Variants in MKRN1 observed in about 807,000 individuals in gnomAD.
MKRN1 encodes the protein E3 ubiquitin-protein ligase makorin-1.
MKRN1 carries 9 observed loss-of-function variants against 55.5 expected under a neutral mutation model. The observed-to-expected ratio is 0.16, with a 90% CI of 0.10 to 0.28. MKRN1 has a LOEUF of 0.28. MKRN1 is among the 10% of genes least tolerant of loss of function. The pLI, the probability that MKRN1 is intolerant of heterozygous loss-of-function variation, is 1.00. For synonymous variants in MKRN1, 253 were observed against 235.9 expected (o/e 1.07, Z -0.66); for missense variants, 488 against 626.7 (o/e 0.78, Z 2.36).
chr7:140,455,423 C>CA (rs1794439745), intron 6 of MKRN1, 190 bp from the exon 7 acceptor site: 1 of 667,936 alleles, frequency 1.5e-6, no homozygotes, highest in Admixed American at 2.9e-5. Context: ...TAACTCTGTT[C>CA]AAGTCTATGC....
At chr7:140,472,167 C>A in intron 1 of MKRN1, 156 bp from the exon 2 acceptor site, 1 of 1,053,368 alleles carries the variant, frequency 9.5e-7, no homozygotes, top group Non-Finnish European at 1.3e-6. Context: ...TGCCTGTAAT[C>A]CCAGTACCTT....
At chr7:140,472,214 G>C in intron 1 of MKRN1, 1 of 610,208 alleles carries the variant, frequency 1.6e-6, no homozygotes, top group Non-Finnish European at 2.7e-6. Flanking sequence ...TGAGGTCAGG[G>C]GTCTAAGACC....
intron 2 of MKRN1, among the ~76,000 whole-genome samples, chr7:140,464,144 T>A (rs1166300303): frequency 6.6e-6 from 1 of 151,798 alleles, no homozygotes; most frequent in Non-Finnish European, 1.5e-5. Flanking sequence ...GTCTTTGAAC[T>A]CCTAACCTCA....
Position 140,479,316 on chromosome 7 carries a change from G to C in MKRN1, c.29C>G (p.Thr10Arg). The C allele has an allele frequency of 7.6e-7, 1 of 1,318,538 alleles. No individual in the cohort carries two copies. The allele number at this position is 1,318,538 out of a possible 1,614,324, so 81.7% of individuals were successfully genotyped here. Reference sequence around the variant, plus strand: ...CGCTCCTGCTCCTGATGTTGTGGCTGTTGTTCCGGGAGTTGCAGCCTCCGC... The same window carrying C: ...CGCTCCTGCTCCTGATGTTGTGGCTCTTGTTCCGGGAGTTGCAGCCTCCGC... Reference protein sequence around the residue: MAEAATPGTTATTSGAGAAA... With the variant: MAEAATPGTRATTSGAGAAA... Residue 10 changes from threonine to arginine, a missense_variant, in exon 1 of 8, where the codon ACA becomes AGA. Thr to Arg is a moderately conservative substitution (Grantham distance 71). Transcript: ENST00000255977.
At chr7:140,457,032 TG>T (rs1794484678) in intron 4 of MKRN1, 166 bp from the exon 5 acceptor site, 1 of 674,940 alleles carries the variant, frequency 1.5e-6, no homozygotes, top group Non-Finnish European at 2.3e-6. Context: ...ACAGGTGTGG[TG>T]TTTTTTTTTT....
At chr7:140,456,107 C>T in intron 5 of MKRN1, 2 of 977,160 alleles carry the variant, frequency 2.0e-6, no homozygotes, top group South Asian at 3.6e-5. Context: ...CAAGGGCTAG[C>T]CAGTTCTTTT....
At chr7:140,473,988 G>A (rs1484744793) in intron 1 of MKRN1, among the ~76,000 whole-genome samples, 6 of 63,174 alleles carry the variant, frequency 9.5e-5, no homozygotes, top group African/African-American at 3.0e-4. Flanking sequence ...GCGAAACTCC[G>A]TCTCAAAAAA....
intron 6 of MKRN1, chr7:140,455,536 T>C (rs556619104): frequency 5.3e-6 from 3 of 562,964 alleles, no homozygotes; most frequent in African/African-American, 3.7e-5. Context: ...CAGAATAAGG[T>C]AGAACCCCAC....
At chr7:140,475,335 T>A (rs1397971400) in intron 1 of MKRN1, 1 of 360,990 alleles carries the variant, frequency 2.8e-6, no homozygotes, top group Admixed American at 3.4e-5. Context: ...ACAGACTCCA[T>A]CTCAGAAAAC....
intron 1 of MKRN1, among the ~76,000 whole-genome samples, chr7:140,474,069 A>AGAAAGAAAG: frequency 7.2e-6 from 1 of 138,004 alleles, no homozygotes; most frequent in East Asian, 2.2e-4. Flanking sequence ...AAGAAAGAAT[A>AGAAAGAAAG]AAAGACTGTA....
chr7:140,468,423 A>G (rs1300168913), intron 2 of MKRN1, among the ~76,000 whole-genome samples: 1 of 143,168 alleles, frequency 7.0e-6, no homozygotes, highest in African/African-American at 2.6e-5. Context: ...TGGAGAGGCC[A>G]GGTGCGGTGG....
chr7:140,472,357 T>A, intron 1 of MKRN1: 1 of 234,200 alleles, frequency 4.3e-6, no homozygotes, highest in Non-Finnish European at 8.5e-6. Flanking sequence ...TGCTTACACG[T>A]GGGAGGCTGA....
intron 4 of MKRN1, among the ~76,000 whole-genome samples, chr7:140,458,156 A>C (rs1794519046): frequency 6.6e-6 from 1 of 152,222 alleles, no homozygotes; most frequent in Non-Finnish European, 1.5e-5. Flanking sequence ...TAACCCAGCA[A>C]TTCCACTCCT....
chr7:140,454,521 A>G lies in MKRN1; in HGVS notation c.1445T>C (p.Leu482Pro), dbSNP rs1194599812. Reference sequence around the variant, plus strand: ...TTCACACGCCACGCAAGGTTGCTATAGATCCAAGTCATAAAAATCTTCCAG... The same window carrying G: ...TTCACACGCCACGCAAGGTTGCTATGGATCCAAGTCATAAAAATCTTCCAG... ...DELEDFYDLDL is the reference protein window; with the variant it reads ...DELEDFYDLDP The change falls in exon 8 of 8, where the codon CTA becomes CCA. Residue 482 changes from leucine to proline, a missense_variant. Physicochemically the swap from Leu to Pro is moderately conservative, Grantham distance 98 (BLOSUM62 -3). Transcript: ENST00000255977. 6.2e-7 allele frequency: 1 copy of G among 1,611,572 alleles called. No individual in the cohort carries two copies. The highest frequency in any genetic ancestry group is 2.2e-5 in the East Asian group (1 of 44,880).
intron 2 of MKRN1, 182 bp from the exon 3 acceptor site, chr7:140,460,118 G>A (rs1351426472): frequency 4.9e-6 from 3 of 614,036 alleles, no homozygotes; most frequent in East Asian, 2.9e-5. Flanking sequence ...GCATGGTGGC[G>A]CACCTGTAAT....
At chr7:140,472,591 T>C (rs1794961801) in intron 1 of MKRN1, among the ~76,000 whole-genome samples, 1 of 150,588 alleles carries the variant, frequency 6.6e-6, no homozygotes, top group Admixed American at 6.7e-5. Flanking sequence ...GGTTTCACCA[T>C]GTTAGCCAGG....
At chr7:140,476,101 C>G (rs1268559395) in intron 1 of MKRN1, among the ~76,000 whole-genome samples, 1 of 152,110 alleles carries the variant, frequency 6.6e-6, no homozygotes, top group Non-Finnish European at 1.5e-5. Context: ...TAGCTTTAGT[C>G]AAATTCCTAG....
In MKRN1 at chr7:140,455,228, T is replaced by C; in HGVS notation, c.1103A>G (p.Lys368Arg). Residue 368 changes from lysine to arginine, a missense_variant, in exon 7 of 8, where the codon AAG (lysine) becomes AGG (arginine). Physicochemically the swap from Lys to Arg is conservative, Grantham distance 26 (BLOSUM62 2). Around this residue, in one of 2 missense-constraint regions of MKRN1, gnomAD observed 278 missense variants for 406.7 expected, o/e 0.68. Transcript: ENST00000255977. ...ILKYKEAMSNKACRYFDEGRG... is the reference protein window; with the variant it reads ...ILKYKEAMSNRACRYFDEGRG... ...TCCTTCATCAAAATACCTGCACGCC[T>C]TGTTGCTGGAAAGGAAAATATCGCA... 1 of 1,614,084 alleles carries C rather than the reference T, an allele frequency of 6.2e-7. No homozygotes were observed. The highest frequency in any genetic ancestry group is 1.7e-4 in the Middle Eastern group (1 of 6,060).
chr7:140,473,155 C>T (rs1442858226), intron 1 of MKRN1: 4 of 392,040 alleles, frequency 1.0e-5, no homozygotes, highest in African/African-American at 8.8e-5. Flanking sequence ...AGAATTTCTC[C>T]TCCAAACAAA....
Sources: gnomAD v4.1 joint callset for allele counts (sites outside exome capture counted in the v4.1 genomes callset) on GRCh38, gnomAD v4.1.1 for gene constraint, gnomAD v4.1.1 regional missense constraint, MANE v1.5 for transcripts, NCBI Gene and HGNC (gene_info 2026-07-23, HGNC 2026-07-21) for gene names.